The following PDZD9 variants were observed in gnomAD, a reference collection of about 807,000 sequenced individuals.
PDZD9 encodes PDZ domain containing 9.
Under a neutral mutation model 16.3 loss-of-function variants are expected in PDZD9, and 13 were observed. That is an observed-to-expected ratio of 0.80 (90% CI 0.52 to 1.27). The LOEUF (loss-of-function observed/expected upper bound fraction) is 1.27, where lower values mean the gene tolerates loss of function less well. PDZD9 is among the 50% of genes most tolerant of loss of function. The probability of loss-of-function intolerance (pLI) is 0.00; values close to 1 mark genes in which losing one functional copy is unlikely to be tolerated. For synonymous variants in PDZD9, 120 were observed against 111.0 expected (o/e 1.08, Z -0.51); for missense variants, 288 against 310.9 (o/e 0.93, Z 0.55).
At chr16:21,966,072 G>T in the PDZD9 span, among the ~76,000 whole-genome samples, 1 of 151,916 alleles carries the variant, frequency 6.6e-6, no homozygotes, top group African/African-American at 2.4e-5. Context: ...TCAGCACTTT[G>T]GGAGGCCAAG....
the PDZD9 span, among the ~76,000 whole-genome samples, chr16:21,969,874 GTTT>G: frequency 7.0e-6 from 1 of 143,664 alleles, no homozygotes; most frequent in African/African-American, 2.5e-5. Context: ...CTTTGTTTTT[GTTT>G]TTTTTTTTAA....
At chr16:21,980,564 G>T, downstream of PDZD9, 3 of 1,613,978 alleles carry the variant, frequency 1.9e-6, no homozygotes, top group South Asian at 2.2e-5. Flanking sequence ...CTGAAAGCTG[G>T]ATACCTAATG....
intron 2 of PDZD9, among the ~76,000 whole-genome samples, chr16:21,991,758 ATC>A (rs1226672536): frequency 1.3e-5 from 2 of 152,158 alleles, no homozygotes; most frequent in African/African-American, 4.8e-5. Context: ...TACAATTATC[ATC>A]TCTCGAGATC....
intron 3 of PDZD9, 21 bp downstream of exon 3, chr16:21,988,581 T>C (rs777793857): frequency 1.9e-6 from 3 of 1,571,482 alleles, no homozygotes; most frequent in South Asian, 2.3e-5. Context: ...TAACAAAGAG[T>C]TCCTAAAATG....
At chr16:21,979,924 C>T (rs969665513), downstream of PDZD9, among the ~76,000 whole-genome samples, 2 of 152,142 alleles carry the variant, frequency 1.3e-5, no homozygotes, top group Non-Finnish European at 2.9e-5. Flanking sequence ...TTTTCCTAGG[C>T]TAGTGATATG....
chr16:21,988,704 C>A lies in PDZD9; in HGVS notation c.299G>T (p.Gly100Val), dbSNP rs1429176836. Reference sequence around the variant, plus strand: ...GTAAACCTTGATTTGTAGCACTGTTCCAATAGTGATATGTTGCAAAAGCTG... The same window carrying A: ...GTAAACCTTGATTTGTAGCACTGTTACAATAGTGATATGTTGCAAAAGCTG... ...FLQLLQHITI[G>V]TVLQIKVYRD... The change falls in exon 3 of 4, where the codon GGA (glycine) becomes GTA (valine). Residue 100 changes from glycine to valine, a missense_variant. Gly to Val is a moderately radical substitution (Grantham distance 109). Transcript: ENST00000424898. 1.2e-5 allele frequency: 19 copies of A among 1,612,634 alleles called. No individual in the cohort carries two copies. Among genetic ancestry groups the A allele is most frequent in the Non-Finnish European group, 1.5e-5 (18 of 1,178,882 alleles).
chr16:21,965,423 T>C, the PDZD9 span: 1 of 1,613,964 alleles, frequency 6.2e-7, no homozygotes, highest in Non-Finnish European at 8.5e-7. Flanking sequence ...ATTGAAAATT[T>C]GCATGCAGCA....
downstream of PDZD9, chr16:21,983,495 A>G (rs1367090913): frequency 2.9e-6 from 1 of 344,994 alleles, no homozygotes; most frequent in Non-Finnish European, 5.2e-6. Context: ...CTAAGTGGCT[A>G]TCGGGGTAAA....
the PDZD9 span, chr16:21,965,358 G>T: frequency 1.9e-6 from 3 of 1,564,186 alleles, no homozygotes; most frequent in Non-Finnish European, 2.6e-6. Flanking sequence ...TAAAAATGTT[G>T]TCTTTACTGA....
rs148885084 is a variant in PDZD9 at position 21,994,983 on chromosome 16, A to G, written c.211+1339T>C. Among the ~76,000 whole-genome samples the G allele has an allele frequency of 1.6e-3, 245 of 152,206 alleles. 2 individuals carry two copies. Among genetic ancestry groups the G allele is most frequent in the African/African-American group, 5.7e-3 (237 of 41,550 alleles). On this transcript the variant is annotated intron_variant, in intron 2 of 3. Transcript: ENST00000424898. ...GTAGCTAGGATTACGGGCACGCACCATGCCGGGCTGCTTTCGTTTTGTTGT... is the reference window on the plus strand; with the variant it reads ...GTAGCTAGGATTACGGGCACGCACCGTGCCGGGCTGCTTTCGTTTTGTTGT...
chr16:21,997,125 CAT>C (rs748387995), intron 1 of PDZD9, among the ~76,000 whole-genome samples: 4 of 152,270 alleles, frequency 2.6e-5, no homozygotes, highest in Non-Finnish European at 2.9e-5. Context: ...GCCTGGCCCA[CAT>C]GTGTTTCTTG....
downstream of PDZD9, chr16:21,980,467 T>C (rs888555763): frequency 6.0e-6 from 9 of 1,494,774 alleles, no homozygotes; most frequent in Admixed American, 1.2e-4. Flanking sequence ...GCTTTGATGT[T>C]CACAGCCCCC....
Position 21,984,476 on chromosome 16 carries a change from T to C in PDZD9, c.586A>G (p.Ile196Val). 6.2e-7 allele frequency: 1 copy of C among 1,613,166 alleles called. No individual in the cohort carries two copies. The highest frequency in any genetic ancestry group is 8.5e-7 in the Non-Finnish European group (1 of 1,179,154). ...CAATTAATGTCTTTTCCTACACTAA[T>C]AGTATGGTTCTTCTTCTTATATCCA... Reference protein sequence around the residue: ...WHGYKKKNHTISVGKDINCDV... With the variant: ...WHGYKKKNHTVSVGKDINCDV... Residue 196 changes from isoleucine to valine, a missense_variant, in exon 4 of 4, where the codon ATT becomes GTT. Physicochemically the swap from Ile to Val is conservative, Grantham distance 29 (BLOSUM62 3). Coordinates refer to ENST00000424898, the MANE Select transcript of PDZD9 (RefSeq NM_001363519.1).
At chr16:21,962,728 G>T in the PDZD9 span, 5 of 1,612,694 alleles carry the variant, frequency 3.1e-6, no homozygotes, top group Admixed American at 6.7e-5. Flanking sequence ...TTACATTTTT[G>T]ACTCATAATT....
the PDZD9 span, chr16:21,977,080 G>A: frequency 1.2e-4 from 19 of 152,220 alleles, no homozygotes; most frequent in African/African-American, 4.3e-4. Context: ...TTGACTAGGC[G>A]CAGTTGCTCA....
the PDZD9 span, chr16:21,968,567 GT>G: frequency 6.8e-7 from 1 of 1,462,912 alleles, no homozygotes; most frequent in Admixed American, 2.1e-5. Flanking sequence ...GTACTTTTAT[GT>G]TTTTACAGCT....
chr16:21,994,991 C>A (rs1326753606), intron 2 of PDZD9, among the ~76,000 whole-genome samples: 1 of 152,042 alleles, frequency 6.6e-6, no homozygotes. Context: ...CCATGCCGGG[C>A]TGCTTTCGTT....
chr16:22,000,867 G>C (rs866240376), intron 1 of PDZD9, 150 bp downstream of exon 1: 2 of 689,968 alleles, frequency 2.9e-6, no homozygotes, highest in East Asian at 2.9e-5. Context: ...TGATGATGAT[G>C]ATGATGATAA....
chr16:21,971,216 T>G, the PDZD9 span, among the ~76,000 whole-genome samples: 1 of 152,184 alleles, frequency 6.6e-6, no homozygotes, highest in South Asian at 2.1e-4. Flanking sequence ...ACTTAGAAAT[T>G]TGTAAATTAT....
Sources: gnomAD v4.1 joint callset for allele counts (sites outside exome capture counted in the v4.1 genomes callset) on GRCh38, gnomAD v4.1.1 for gene constraint, MANE v1.5 for transcripts, NCBI Gene and HGNC (gene_info 2026-07-23, HGNC 2026-07-21) for gene names.